Variants in DOCK9 observed in about 807,000 individuals in gnomAD.
DOCK9 encodes dedicator of cytokinesis protein 9.
In DOCK9, 89 loss-of-function variants were observed where a neutral mutation model predicts 263.3. The ratio of observed to expected loss-of-function variants is 0.34; its 90% CI spans 0.28 to 0.40. The LOEUF is 0.40. Ranked by LOEUF, DOCK9 falls within the 10% of genes least tolerant of loss-of-function variation. DOCK9 has a pLI of 1.00. For synonymous variants in DOCK9, 976 were observed against 973.1 expected (o/e 1.00, Z -0.06); for missense variants, 2,140 against 2,603.4 (o/e 0.82, Z 3.87).
At chr13:98,971,780 T>C (rs1398190277) in intron 1 of DOCK9, among the ~76,000 whole-genome samples, 1 of 152,202 alleles carries the variant, frequency 6.6e-6, no homozygotes, top group Admixed American at 6.5e-5. Flanking sequence ...TATGCTCCTA[T>C]GTAACTTTCT....
intron 46 of DOCK9, among the ~76,000 whole-genome samples, chr13:98,809,757 C>T (rs1218864733): frequency 1.3e-5 from 2 of 152,204 alleles, no homozygotes; most frequent in African/African-American, 2.4e-5. Flanking sequence ...TTGGCCTTTG[C>T]TTTTCCTGCT....
At position 98,977,848 on chromosome 13, in the gene DOCK9, G is replaced by T. The variant is rs368104698; in HGVS notation, c.62C>A (p.Ser21Tyr). The change falls in exon 1 of 53, where the codon TCC (serine) becomes TAC (tyrosine). Residue 21 changes from serine (S) to tyrosine (Y), a missense_variant. Physicochemically the swap from Ser to Tyr is moderately radical, Grantham distance 144 (BLOSUM62 -2). Around this residue, in one of 2 missense-constraint regions of DOCK9, gnomAD observed 1,521 missense variants for 1,741.7 expected, o/e 0.87. Coordinates refer to ENST00000682017, the MANE Select transcript of DOCK9 (RefSeq NM_001366683.2). ...RSVKKELVIE[S>Y]PLQYKDAAQG... is the part of the protein sequence containing the mutation. ...AGCTGCATCCTTGTATTGCAGGGGG[G>T]ACTCAATCACCAGTTCCTTTTTGAC... 1.9e-5 allele frequency: 31 copies of T among 1,607,422 alleles called. No homozygotes were observed. Among genetic ancestry groups the T allele is most frequent in the Admixed American group, 3.4e-5 (2 of 59,108 alleles).
In DOCK9 at chr13:99,078,456, T is replaced by C. The variant is rs540268716; in HGVS notation, c.129+7767A>G. Among the ~76,000 whole-genome samples, 3 of 152,282 alleles carry C rather than the reference T, an allele frequency of 2.0e-5. No individual in the cohort carries two copies. The South Asian group carries it at 6.2e-4, about 32-fold the overall frequency. On this transcript the variant is annotated intron_variant, in intron 1 of 32. Transcript: ENST00000427887. Reference sequence around the variant, plus strand: ...GAACGGAAGAGGGTGCTTAGTCGTATGGGGTGAGCCCTGAGAGGCCGCCCC... The same window carrying C: ...GAACGGAAGAGGGTGCTTAGTCGTACGGGGTGAGCCCTGAGAGGCCGCCCC...
chr13:98,964,365 C>T (rs1264123773), intron 1 of DOCK9, among the ~76,000 whole-genome samples: 2 of 152,048 alleles, frequency 1.3e-5, no homozygotes, highest in East Asian at 3.9e-4. Flanking sequence ...GTGAGGGACC[C>T]CAATTATGTG....
intron 1 of DOCK9, among the ~76,000 whole-genome samples, chr13:99,022,768 C>A (rs1330105848): frequency 6.6e-6 from 1 of 152,140 alleles, no homozygotes; most frequent in African/African-American, 2.4e-5. Flanking sequence ...CATAGCAAGA[C>A]CCCAGTCTAT....
chr13:98,942,220 GTT>G (rs60412646), intron 2 of DOCK9, among the ~76,000 whole-genome samples: 9,240 of 132,298 alleles, frequency 0.07, 391 homozygotes, highest in African/African-American at 0.14. Flanking sequence ...CTCTGGTTAT[GTT>G]TTTTTTTTTG....
intron 2 of DOCK9, among the ~76,000 whole-genome samples, chr13:98,948,350 ATC>A (rs746952745): frequency 2.6e-4 from 39 of 152,336 alleles, no homozygotes; most frequent in Admixed American, 1.3e-3. Flanking sequence ...CTGCACTCCT[ATC>A]CTTTCTTTTC....
At chr13:98,988,239 A>G (rs763803957) in intron 1 of DOCK9, among the ~76,000 whole-genome samples, 5 of 152,224 alleles carry the variant, frequency 3.3e-5, no homozygotes, top group Non-Finnish European at 7.3e-5. Flanking sequence ...TTCGGGAACA[A>G]AATATACAAG....
At chr13:98,915,289 CAG>C (rs755572783) in intron 8 of DOCK9, 38 bp downstream of exon 8, 4 of 1,593,880 alleles carry the variant, frequency 2.5e-6, no homozygotes, top group Non-Finnish European at 3.4e-6. Flanking sequence ...AAGACACCCA[CAG>C]AGTGTGTATG....
intron 15 of DOCK9, among the ~76,000 whole-genome samples, chr13:98,893,933 G>A (rs2047004215): frequency 6.6e-6 from 1 of 152,156 alleles, no homozygotes; most frequent in South Asian, 2.1e-4. Flanking sequence ...AGGTTTCTGG[G>A]TCTCTAACTG....
chr13:98,936,641 AG>A (rs1227755299), intron 2 of DOCK9, among the ~76,000 whole-genome samples: 1 of 84,370 alleles, frequency 1.2e-5, no homozygotes, highest in Non-Finnish European at 3.0e-5. Context: ...AAAAAAAGAA[AG>A]AAAGAAAAGA....
intron 38 of DOCK9, among the ~76,000 whole-genome samples, chr13:98,838,656 A>G (rs556299140): frequency 6.6e-6 from 1 of 152,350 alleles, no homozygotes; most frequent in African/African-American, 2.4e-5. Flanking sequence ...AGATTAAATT[A>G]TGAAATGGTA....
intron 1 of DOCK9, among the ~76,000 whole-genome samples, chr13:99,021,625 T>C (rs1035044616): frequency 2.0e-4 from 23 of 117,854 alleles, no homozygotes; most frequent in African/African-American, 6.1e-4. Context: ...GGTGACAGAG[T>C]GAGACTCTGT....
chr13:98,945,873 G>C (rs1318145854), intron 2 of DOCK9, among the ~76,000 whole-genome samples: 2 of 152,218 alleles, frequency 1.3e-5, no homozygotes, highest in African/African-American at 4.8e-5. Flanking sequence ...GAGAAAAAAA[G>C]AAATCAGAGC....
chr13:98,983,040 T>C (rs1000230738), upstream of DOCK9, among the ~76,000 whole-genome samples: 2 of 152,308 alleles, frequency 1.3e-5, no homozygotes, highest in East Asian at 1.9e-4. Flanking sequence ...ATAAATCAAT[T>C]ATCTCAACCT....
intron 1 of DOCK9, among the ~76,000 whole-genome samples, chr13:99,056,671 G>A (rs762883197): frequency 4.6e-5 from 7 of 152,188 alleles, no homozygotes; most frequent in Non-Finnish European, 7.3e-5. Flanking sequence ...TTAATGGAGA[G>A]TACACCTGCT....
intron 1 of DOCK9, among the ~76,000 whole-genome samples, chr13:98,998,290 C>A (rs978888237): frequency 6.6e-6 from 1 of 152,142 alleles, no homozygotes; most frequent in Non-Finnish European, 1.5e-5. Flanking sequence ...AGTGGAAGCC[C>A]CTGAAGGTAG....
chr13:98,830,315 C>G (rs2092709274), intron 41 of DOCK9, among the ~76,000 whole-genome samples: 1 of 152,128 alleles, frequency 6.6e-6, no homozygotes, highest in South Asian at 2.1e-4. Flanking sequence ...AATCAGTCAC[C>G]AAATGTTGTC....
At chr13:99,044,453 G>C (rs771167293) in intron 1 of DOCK9, among the ~76,000 whole-genome samples, 4 of 152,170 alleles carry the variant, frequency 2.6e-5, no homozygotes, top group Non-Finnish European at 4.4e-5. Flanking sequence ...AGAGACCACA[G>C]ATGTCTGCCA....
Sources: gnomAD v4.1 joint callset for allele counts (sites outside exome capture counted in the v4.1 genomes callset) on GRCh38, gnomAD v4.1.1 for gene constraint, gnomAD v4.1.1 regional missense constraint, MANE v1.5 for transcripts, NCBI Gene and HGNC (gene_info 2026-07-23, HGNC 2026-07-21) for gene names.